NRIP1: variants seen among roughly 807,000 people sequenced by gnomAD.
NRIP1 encodes the protein nuclear receptor interacting protein 1.
In NRIP1, 28 loss-of-function variants were observed where a neutral mutation model predicts 75.0. The observed-to-expected ratio is 0.37, with a 90% CI of 0.28 to 0.51. The LOEUF is 0.51. Ranked by LOEUF, NRIP1 falls within the 20% of genes least tolerant of loss-of-function variation. The probability of loss-of-function intolerance (pLI) is 0.92; values close to 1 mark genes in which losing one functional copy is unlikely to be tolerated. For synonymous variants in NRIP1, 526 were observed against 487.6 expected, an observed-to-expected ratio of 1.08 and a Z score of -1.04; for missense variants, 1,435 against 1,343.7, an observed-to-expected ratio of 1.07 and a Z score of -1.06.
At chr21:15,040,317 T>A (rs1387763590) in intron 2 of NRIP1, among the ~76,000 whole-genome samples, 1 of 152,104 alleles carries the variant, frequency 6.6e-6, no homozygotes, top group East Asian at 1.9e-4. Flanking sequence ...CCAGTTACTT[T>A]TAACCATAGC....
At chr21:14,975,315 A>G (rs2087023575) in intron 3 of NRIP1, among the ~76,000 whole-genome samples, 1 of 152,206 alleles carries the variant, frequency 6.6e-6, no homozygotes, top group Non-Finnish European at 1.5e-5. Flanking sequence ...CCTCTTTGAC[A>G]TTACAGACAG....
At chr21:14,975,019 G>C (rs1046255415) in intron 3 of NRIP1, among the ~76,000 whole-genome samples, 4 of 152,136 alleles carry the variant, frequency 2.6e-5, no homozygotes, top group Non-Finnish European at 2.9e-5. Flanking sequence ...GGCTGAGGTG[G>C]GAGGATCACC....
At chr21:14,987,331 AC>A (rs1478871014) in intron 3 of NRIP1, among the ~76,000 whole-genome samples, 1 of 152,200 alleles carries the variant, frequency 6.6e-6, no homozygotes, top group African/African-American at 2.4e-5. Flanking sequence ...CGTAACTCCA[AC>A]AGTATGAAAT....
chr21:15,004,684 A>G (rs535530459), intron 3 of NRIP1, among the ~76,000 whole-genome samples: 1 of 152,370 alleles, frequency 6.6e-6, no homozygotes, highest in South Asian at 2.1e-4. Context: ...AACTTTCTTA[A>G]AGTCCATTTT....
At chr21:14,969,299 T>C (rs1026113052) in intron 3 of NRIP1, among the ~76,000 whole-genome samples, 5 of 152,210 alleles carry the variant, frequency 3.3e-5, no homozygotes, top group Non-Finnish European at 5.9e-5. Context: ...TCCTTACTCA[T>C]GTGCTCTATG....
intron 3 of NRIP1, among the ~76,000 whole-genome samples, chr21:14,987,225 G>A (rs2087429078): frequency 6.6e-6 from 1 of 152,166 alleles, no homozygotes; most frequent in African/African-American, 2.4e-5. Flanking sequence ...ACGTGCAAAA[G>A]CACTAATACC....
At chr21:14,997,397 C>T (rs987166207) in intron 3 of NRIP1, among the ~76,000 whole-genome samples, 9 of 151,794 alleles carry the variant, frequency 5.9e-5, no homozygotes, top group Non-Finnish European at 1.3e-4. Context: ...AAATTCGGTA[C>T]AAATAAAAAT....
intron 2 of NRIP1, among the ~76,000 whole-genome samples, chr21:15,037,939 T>C (rs2088871676): frequency 6.6e-6 from 1 of 152,176 alleles, no homozygotes; most frequent in African/African-American, 2.4e-5. Context: ...AACTATCTAA[T>C]AACTATCTAA....
intron 3 of NRIP1, among the ~76,000 whole-genome samples, chr21:14,969,151 T>C (rs1293366880): frequency 6.6e-6 from 1 of 152,202 alleles, no homozygotes; most frequent in African/African-American, 2.4e-5. Flanking sequence ...ACCATCTTAA[T>C]CATATTCATA....
chr21:15,044,530 A>ATTCCATTTC (rs2089029466), intron 1 of NRIP1, among the ~76,000 whole-genome samples: 1 of 152,040 alleles, frequency 6.6e-6, no homozygotes, highest in Non-Finnish European at 1.5e-5. Flanking sequence ...TGATACCACC[A>ATTCCATTTC]TAGCAGCATT....
intron 1 of NRIP1, among the ~76,000 whole-genome samples, chr21:15,045,891 T>A (rs1167838200): frequency 1.3e-5 from 2 of 152,194 alleles, no homozygotes; most frequent in Non-Finnish European, 1.5e-5. Flanking sequence ...CTATAAGGAG[T>A]AACTCCTCAT....
intron 2 of NRIP1, among the ~76,000 whole-genome samples, chr21:15,040,688 G>A (rs892671682): frequency 1.3e-5 from 2 of 152,032 alleles, no homozygotes; most frequent in Non-Finnish European, 2.9e-5. Context: ...AGTACATAGA[G>A]GAGGATATTG....
chr21:14,963,279 CAGG>C lies in NRIP1; in HGVS notation c.*1434_*1436del, dbSNP rs1255774780. 6.6e-6 allele frequency: 1 copy of C among 152,482 alleles called. No homozygotes were observed. The highest frequency in any genetic ancestry group is 1.5e-5 in the Non-Finnish European group (1 of 67,954). 9.4% of individuals were successfully genotyped at this position (152,482 alleles called of 1,614,324 possible). On this transcript the variant is annotated 3_prime_UTR_variant, in exon 4 of 4. Transcript: ENST00000318948. Reference sequence around the variant, plus strand: ...TTTTAATAAAGGTTAAGGATGCATTCAGGAGAAGTTTCCAAACCATCCTGGAAT... The same window carrying C: ...TTTTAATAAAGGTTAAGGATGCATTCAGAAGTTTCCAAACCATCCTGGAAT...
chr21:15,061,211 A>G (rs986155867), intron 1 of NRIP1, among the ~76,000 whole-genome samples: 1 of 152,220 alleles, frequency 6.6e-6, no homozygotes, highest in Non-Finnish European at 1.5e-5. Flanking sequence ...CAGTTGGAAG[A>G]CATGGGTATA....
chr21:15,037,604 C>A (rs1660628569), intron 2 of NRIP1, among the ~76,000 whole-genome samples: 1 of 152,056 alleles, frequency 6.6e-6, no homozygotes, highest in Non-Finnish European at 1.5e-5. Context: ...CCCTTCTGTC[C>A]GAGTGATCAT....
chr21:14,985,161 C>T (rs1426913061), intron 3 of NRIP1, among the ~76,000 whole-genome samples: 2 of 152,174 alleles, frequency 1.3e-5, no homozygotes, highest in African/African-American at 2.4e-5. Context: ...TTCATCTTTA[C>T]ATCTTAGCAC....
intron 3 of NRIP1, among the ~76,000 whole-genome samples, chr21:14,996,751 G>C (rs528554270): frequency 6.6e-6 from 1 of 151,996 alleles, no homozygotes; most frequent in Non-Finnish European, 1.5e-5. Flanking sequence ...ATAAATGCAC[G>C]TCATTACTCT....
intron 1 of NRIP1, among the ~76,000 whole-genome samples, chr21:15,058,683 T>G (rs981753736): frequency 1.3e-5 from 2 of 152,188 alleles, no homozygotes; most frequent in Non-Finnish European, 2.9e-5. Flanking sequence ...TACTCTCATT[T>G]CAATATTGTA....
intron 3 of NRIP1, among the ~76,000 whole-genome samples, chr21:15,003,491 T>C (rs891941087): frequency 2.0e-5 from 3 of 152,204 alleles, no homozygotes; most frequent in Non-Finnish European, 4.4e-5. Context: ...ACACTGACCA[T>C]GTCATCAGGC....
Sources: gnomAD v4.1 joint callset for allele counts (sites outside exome capture counted in the v4.1 genomes callset) on GRCh38, gnomAD v4.1.1 for gene constraint, MANE v1.5 for transcripts, NCBI Gene and HGNC (gene_info 2026-07-23, HGNC 2026-07-21) for gene names.